The following OSBPL1A variants were observed in gnomAD, a reference collection of about 807,000 sequenced individuals.
OSBPL1A encodes oxysterol-binding protein-related protein 1.
In OSBPL1A, 80 loss-of-function variants were observed where a neutral mutation model predicts 137.1. That is an observed-to-expected ratio of 0.58 (90% CI 0.49 to 0.70). The LOEUF is 0.70. OSBPL1A is among the 30% of genes least tolerant of loss of function. OSBPL1A has a pLI of 0.00. For synonymous variants in OSBPL1A, 365 were observed against 389.7 expected (o/e 0.94, Z 0.75); for missense variants, 970 against 1,129.4 (o/e 0.86, Z 2.02).
At chr18:24,214,695 GCTGTATGTTAT>G (rs1245568862) in intron 17 of OSBPL1A, among the ~76,000 whole-genome samples, 1 of 152,120 alleles carries the variant, frequency 6.6e-6, no homozygotes, top group Non-Finnish European at 1.5e-5. Flanking sequence ...TTTTTAATAG[GCTGTATGTTAT>G]CTGGAACACT....
intron 21 of OSBPL1A, among the ~76,000 whole-genome samples, chr18:24,173,402 A>C (rs999876690): frequency 6.6e-6 from 1 of 152,184 alleles, no homozygotes; most frequent in South Asian, 2.1e-4. Context: ...AGTTAAAAAA[A>C]AAGTTTTATT....
intron 17 of OSBPL1A, among the ~76,000 whole-genome samples, chr18:24,211,167 AGGTTGGCCAG>A: frequency 6.6e-6 from 1 of 152,098 alleles, no homozygotes; most frequent in Non-Finnish European, 1.5e-5. Context: ...GGGTTTCACC[AGGTTGGCCAG>A]GCTGGTCTCG....
intron 17 of OSBPL1A, among the ~76,000 whole-genome samples, chr18:24,206,960 A>G (rs1435596520): frequency 6.6e-6 from 1 of 152,196 alleles, no homozygotes. Context: ...AGGGTACAGA[A>G]TATTTTGCAT....
intron 1 of OSBPL1A, among the ~76,000 whole-genome samples, chr18:24,390,808 G>T (rs989575866): frequency 4.0e-5 from 6 of 151,296 alleles, no homozygotes; most frequent in African/African-American, 1.5e-4. Flanking sequence ...GCAGATTCAG[G>T]TAACTTTTTG....
At chr18:24,181,096 TG>T in intron 19 of OSBPL1A, 48 bp downstream of exon 19, 2 of 1,585,790 alleles carry the variant, frequency 1.3e-6, no homozygotes, top group Non-Finnish European at 1.7e-6. Flanking sequence ...GGGGCTGGGT[TG>T]GTAGCAAGGT....
Position 24,279,072 on chromosome 18 carries a change from ATAAAT to A in OSBPL1A, c.1281+1765_1281+1769del, listed in dbSNP as rs553035441. 2.4e-3 allele frequency among the ~76,000 whole-genome samples: 363 copies of A among 152,136 alleles called. 2 individuals carry two copies. The highest frequency in any genetic ancestry group is 3.1e-3 in the Non-Finnish European group (212 of 67,978). ...TTTCCATATTTGTCTTATTCTCCAA[ATAAAT>A]TAATATGTAGAATTGGTGCTACATA... On this transcript the variant is annotated intron_variant, in intron 15 of 27. Coordinates refer to ENST00000319481, the MANE Select transcript of OSBPL1A (RefSeq NM_080597.4).
chr18:24,232,581 T>G lies in OSBPL1A; in HGVS notation c.1444+6639A>C, dbSNP rs1205113120. On this transcript the variant is annotated intron_variant, in intron 16 of 27. Transcript: ENST00000319481. ...ACTGGAAATCTTACGTGGATCTATT[T>G]TGGGCTACCAAATCCAGAGCTTCCC... Among the ~76,000 whole-genome samples, 4 of 152,244 alleles carry G rather than the reference T, an allele frequency of 2.6e-5. No individual in the cohort carries two copies. The South Asian group carries it at 8.3e-4, about 31-fold the overall frequency.
intron 16 of OSBPL1A, among the ~76,000 whole-genome samples, chr18:24,236,434 T>C (rs1351833958): frequency 6.6e-6 from 1 of 152,176 alleles, no homozygotes; most frequent in Admixed American, 6.5e-5. Context: ...CATTCCCATA[T>C]GATGGCTTTG....
At chr18:24,353,719 C>T (rs2091484547) in intron 4 of OSBPL1A, among the ~76,000 whole-genome samples, 2 of 151,710 alleles carry the variant, frequency 1.3e-5, no homozygotes, top group Non-Finnish European at 2.9e-5. Context: ...ACATATACAC[C>T]ATGGAATACT....
intron 1 of OSBPL1A, among the ~76,000 whole-genome samples, chr18:24,394,661 C>G (rs779103459): frequency 3.9e-5 from 6 of 152,132 alleles, no homozygotes; most frequent in Non-Finnish European, 7.3e-5. Context: ...AATTATTTCA[C>G]ATTTGAAAAT....
chr18:24,172,366 G>C lies in OSBPL1A; in HGVS notation c.2201+10C>G. 6.3e-7 allele frequency: 1 copy of C among 1,589,882 alleles called. No homozygotes were observed. The highest frequency in any genetic ancestry group is 8.6e-7 in the Non-Finnish European group (1 of 1,158,416). On this transcript the variant is annotated intron_variant, in intron 22 of 27. Coordinates refer to ENST00000319481, the MANE Select transcript of OSBPL1A (RefSeq NM_080597.4). ...CTGAAGGAATGGACGAAGTACCCAA[G>C]GTGCCTTACTTGTGGTTTATAATTT...
chr18:24,195,901 CTGTT>C (rs201392777), intron 18 of OSBPL1A: 7,934 of 493,280 alleles, frequency 0.016, 69 homozygotes, highest in Non-Finnish European at 0.02. Context: ...TTTTCAGTTT[CTGTT>C]TGTTTTTTTT....
rs753723872 is a variant in OSBPL1A at position 24,181,301 on chromosome 18, A to C, written c.1678-22T>G. The C allele has an allele frequency of 3.1e-6, 5 of 1,612,798 alleles. No individual in the cohort carries two copies. The South Asian group carries it at 5.5e-5, about 18-fold the overall frequency. On this transcript the variant is annotated intron_variant, in intron 18 of 27. Transcript: ENST00000319481. ...GTTCCTATTTAACCAGAAAATTGAA[A>C]GTGTTATGTCCCATATACATAACAA...
intron 15 of OSBPL1A, among the ~76,000 whole-genome samples, chr18:24,266,609 G>A (rs1457863459): frequency 5.3e-5 from 8 of 152,256 alleles, no homozygotes; most frequent in African/African-American, 4.8e-5. Context: ...GAAACAGGAC[G>A]AGGTGGCTCA....
intron 15 of OSBPL1A, among the ~76,000 whole-genome samples, chr18:24,247,814 A>G (rs1470874153): frequency 6.6e-6 from 1 of 152,194 alleles, no homozygotes; most frequent in African/African-American, 2.4e-5. Context: ...AAAAACTAAA[A>G]AAAGAATAAA....
chr18:24,295,945 T>C (rs1263293272), intron 14 of OSBPL1A, among the ~76,000 whole-genome samples: 3 of 152,044 alleles, frequency 2.0e-5, no homozygotes, highest in African/African-American at 4.8e-5. Flanking sequence ...ATGTGATACC[T>C]CCAGATTTGT....
At chr18:24,218,405 T>G (rs566020558) in intron 17 of OSBPL1A, 2 of 152,322 alleles carry the variant, frequency 1.3e-5, no homozygotes, top group African/African-American at 4.8e-5. Flanking sequence ...CCATATTTTT[T>G]GTAGAAATCA....
At position 24,271,007 on chromosome 18, in the gene OSBPL1A, T is replaced by C. The variant is rs147584794; in HGVS notation, c.1281+9835A>G. Among the ~76,000 whole-genome samples, 1 of 152,302 alleles carries C rather than the reference T, an allele frequency of 6.6e-6. No homozygotes were observed. The highest frequency in any genetic ancestry group is 1.5e-5 in the Non-Finnish European group (1 of 68,026). ...AAAACAACTAGCCACATGCTCTGAATGCTAGGAAACGTGATTCCCCGCTGG... is the reference window on the plus strand; with the variant it reads ...AAAACAACTAGCCACATGCTCTGAACGCTAGGAAACGTGATTCCCCGCTGG... On this transcript the variant is annotated intron_variant, in intron 15 of 27. Coordinates refer to ENST00000319481, the MANE Select transcript of OSBPL1A (RefSeq NM_080597.4). This position sits in a 1 kb window ranked among gnomAD's most constrained non-coding sequence, Gnocchi z 4.0.
chr18:24,396,943 A>G (rs1907786974), intron 1 of OSBPL1A, among the ~76,000 whole-genome samples: 1 of 152,208 alleles, frequency 6.6e-6, no homozygotes. Context: ...CTATTCACAG[A>G]CACCTAATAG....
Sources: gnomAD v4.1 joint callset for allele counts (sites outside exome capture counted in the v4.1 genomes callset) on GRCh38, gnomAD v4.1.1 for gene constraint, Gnocchi (gnomAD v3.1) non-coding constraint, MANE v1.5 for transcripts, NCBI Gene and HGNC (gene_info 2026-07-23, HGNC 2026-07-21) for gene names.